Variants in RYR2 observed in about 807,000 individuals in gnomAD.
RYR2 encodes the protein cardiac muscle ryanodine receptor-calcium release channel.
A neutral mutation model predicts 601.1 loss-of-function variants in RYR2; 227 were observed. That is an observed-to-expected ratio of 0.38 (90% confidence interval 0.34 to 0.42). The LOEUF (loss-of-function observed/expected upper bound fraction) is 0.42. RYR2 is among the 10% of genes least tolerant of loss of function. The pLI is 1.00. For synonymous variants in RYR2, 2,223 were observed against 2,175.1 expected, an observed-to-expected ratio of 1.02 and a Z score of -0.61; for missense variants, 4,646 against 6,156.5, an observed-to-expected ratio of 0.75 and a Z score of 8.21.
At chr1:237,815,569 TA>T (rs1661728789) in intron 100 of RYR2, among the ~76,000 whole-genome samples, 1 of 152,232 alleles carries the variant, frequency 6.6e-6, no homozygotes, top group Admixed American at 6.5e-5. Flanking sequence ...TTAAGTCCAC[TA>T]CCGATCTCTG....
chr1:237,415,243 G>A (rs984104863), intron 10 of RYR2, among the ~76,000 whole-genome samples: 1 of 152,134 alleles, frequency 6.6e-6, no homozygotes, highest in African/African-American at 2.4e-5. Context: ...AATGTCATTG[G>A]TGAGGGTGCA....
At chr1:237,376,457 GA>G (rs56866855) in intron 7 of RYR2, among the ~76,000 whole-genome samples, 7,159 of 151,516 alleles carry the variant, frequency 0.047, 400 homozygotes, top group African/African-American at 0.13. Context: ...GAGGAATTAG[GA>G]AAAAAAAGAG....
intron 1 of RYR2, among the ~76,000 whole-genome samples, chr1:237,083,055 C>T (rs968520344): frequency 6.6e-6 from 1 of 152,164 alleles, no homozygotes; most frequent in Non-Finnish European, 1.5e-5. Flanking sequence ...CCTGGCCCTG[C>T]TTCTGGGATG....
Position 237,697,261 on chromosome 1 carries a change from G to A in RYR2, c.9068-1704G>A, listed in dbSNP as rs548881080. Among the ~76,000 whole-genome samples, 12 of 149,320 alleles carry A rather than the reference G, an allele frequency of 8.0e-5. No homozygotes were observed. In the South Asian group the frequency reaches 1.9e-3, roughly 24 times the overall value. On this transcript the variant is annotated intron_variant, in intron 63 of 104. Coordinates refer to ENST00000366574, the MANE Select transcript of RYR2 (RefSeq NM_001035.3). ...TCATTCCAACCTCTGCTCAAATGCCGCCTCCAGGAAGGACTCATGAGCACT... is the reference window on the plus strand; with the variant it reads ...TCATTCCAACCTCTGCTCAAATGCCACCTCCAGGAAGGACTCATGAGCACT...
At chr1:237,711,976 G>T in intron 71 of RYR2, 139 bp downstream of exon 71, 1 of 609,988 alleles carries the variant, frequency 1.6e-6, no homozygotes. Context: ...GTTCAAATAT[G>T]CAAGCTGTTT....
chr1:237,709,359 CTG>C, intron 69 of RYR2, 119 bp from the exon 70 acceptor site: 1 of 733,626 alleles, frequency 1.4e-6, no homozygotes, highest in Non-Finnish European at 2.3e-6. Context: ...TATTACAACA[CTG>C]TGCTGAAACC....
intron 33 of RYR2, 30 bp from the exon 34 acceptor site, chr1:237,595,468 C>G (rs763509207): frequency 1.3e-6 from 2 of 1,599,518 alleles, no homozygotes; most frequent in Middle Eastern, 3.3e-4. Flanking sequence ...TGTGGTTGTA[C>G]AAAGATAAAA....
chr1:237,776,813 T>G (rs529957125), intron 87 of RYR2, among the ~76,000 whole-genome samples: 1 of 152,136 alleles, frequency 6.6e-6, no homozygotes, highest in Non-Finnish European at 1.5e-5. Flanking sequence ...TGTATTTTTT[T>G]ATCTAACGTG....
Position 237,674,140 on chromosome 1 carries a change from G to A in RYR2, c.8635G>A (p.Ala2879Thr). ...GCTGGTGCCCTATGATACACTGACA[G>A]CCAAAGAGAAAGCCAAGGATAGAGA... is the stretch of plus-strand genomic sequence containing the variant. Reference protein sequence around the residue: ...PLLVPYDTLTAKEKAKDREKA... With the variant: ...PLLVPYDTLTTKEKAKDREKA... Residue 2879 changes from alanine (A) to threonine (T), a missense_variant, in exon 59 of 105, where the codon GCC becomes ACC. Ala to Thr is a moderately conservative substitution (Grantham distance 58). Around this residue, in one of 17 missense-constraint regions of RYR2, gnomAD observed 1,497 missense variants for 1,842.6 expected, o/e 0.81. Coordinates refer to ENST00000366574, the MANE Select transcript of RYR2 (RefSeq NM_001035.3). 2 of 1,611,964 alleles carry A rather than the reference G, an allele frequency of 1.2e-6. No homozygotes were observed. The highest frequency in any genetic ancestry group is 2.2e-5 in the South Asian group (2 of 91,040).
At chr1:237,530,574 C>T in intron 25 of RYR2, 64 bp downstream of exon 25, 2 of 1,189,594 alleles carry the variant, frequency 1.7e-6, no homozygotes, top group South Asian at 2.6e-5. Flanking sequence ...CCAAATAACT[C>T]TTGATGGACA....
intron 1 of RYR2, among the ~76,000 whole-genome samples, chr1:237,129,277 G>A (rs1671888460): frequency 6.6e-6 from 1 of 152,336 alleles, no homozygotes; most frequent in East Asian, 1.9e-4. Flanking sequence ...TCTGCTTCAT[G>A]TATTGATGGA....
Position 237,674,816 on chromosome 1 carries a change from G to A in RYR2, c.8800G>A (p.Asp2934Asn). ...CCTCCAACAACTCATTCGCTATGTG[G>A]ATGAAGCCCATCAGTATATCCTGGA... ...SFLQQLIRYV[D>N]EAHQYILEFD... The change falls in exon 60 of 105, where the codon GAT (aspartate) becomes AAT (asparagine). Residue 2934 changes from aspartate to asparagine, a missense_variant. This residue lies in a region of RYR2 where 1,497 missense variants were observed against 1,842.6 expected (regional missense o/e 0.81). Coordinates refer to ENST00000366574, the MANE Select transcript of RYR2 (RefSeq NM_001035.3). 3 of 1,609,210 alleles carry A rather than the reference G, an allele frequency of 1.9e-6. No homozygotes were observed. Among genetic ancestry groups the A allele is most frequent in the Non-Finnish European group, 2.6e-6 (3 of 1,176,060 alleles).
At chr1:237,616,399 G>A (rs1379480311) in intron 37 of RYR2, among the ~76,000 whole-genome samples, 1 of 152,136 alleles carries the variant, frequency 6.6e-6, no homozygotes, top group African/African-American at 2.4e-5. Flanking sequence ...CTGAATGAAT[G>A]AGCATTCACC....
At chr1:237,576,408 T>C (rs1009510107) in intron 29 of RYR2, among the ~76,000 whole-genome samples, 1 of 152,092 alleles carries the variant, frequency 6.6e-6, no homozygotes, top group African/African-American at 2.4e-5. Context: ...ATAGACAAAT[T>C]GACAAATGGC....
chr1:237,676,192 G>A (rs1334845185), intron 60 of RYR2, among the ~76,000 whole-genome samples: 1 of 152,168 alleles, frequency 6.6e-6, no homozygotes, highest in Non-Finnish European at 1.5e-5. Context: ...CAAGGGACAG[G>A]AGAGAAAGAA....
intron 34 of RYR2, among the ~76,000 whole-genome samples, chr1:237,599,714 TG>T (rs1345963868): frequency 6.8e-6 from 1 of 147,514 alleles, no homozygotes; most frequent in Non-Finnish European, 1.5e-5. Flanking sequence ...TCCCACCTAC[TG>T]GGGAGGCTGA....
intron 23 of RYR2, among the ~76,000 whole-genome samples, chr1:237,507,775 G>A (rs964218291): frequency 3.3e-5 from 5 of 152,204 alleles, no homozygotes; most frequent in Non-Finnish European, 5.9e-5. Flanking sequence ...GCATCACATA[G>A]CTAGTGAGTA....
At chr1:237,311,388 A>T (rs1271933710) in intron 2 of RYR2, among the ~76,000 whole-genome samples, 1 of 152,190 alleles carries the variant, frequency 6.6e-6, no homozygotes, top group Non-Finnish European at 1.5e-5. Context: ...AACTGATGAC[A>T]GTGTGAAGTC....
At chr1:237,317,763 G>C (rs926696757) in intron 2 of RYR2, among the ~76,000 whole-genome samples, 1 of 151,542 alleles carries the variant, frequency 6.6e-6, no homozygotes, top group East Asian at 1.9e-4. Flanking sequence ...TTTTTTGTGT[G>C]ACTGGATGTA....
Sources: gnomAD v4.1 joint callset for allele counts (sites outside exome capture counted in the v4.1 genomes callset) on GRCh38, gnomAD v4.1.1 for gene constraint, gnomAD v4.1.1 regional missense constraint, MANE v1.5 for transcripts, NCBI Gene and HGNC (gene_info 2026-07-23, HGNC 2026-07-21) for gene names.